Variants in GINS4 observed in about 807,000 individuals in gnomAD.
GINS4 encodes DNA replication complex GINS protein SLD5.
A neutral mutation model predicts 31.1 loss-of-function variants in GINS4; 20 were observed. That is an observed-to-expected ratio of 0.64 (90% CI 0.45 to 0.93). GINS4 has a LOEUF of 0.93. GINS4 is among the 40% of genes least tolerant of loss of function. GINS4 has a pLI of 0.00. For missense variants in GINS4, 245 were observed against 273.9 expected (o/e 0.89, Z 0.75); for synonymous variants, 85 against 97.9 (o/e 0.87, Z 0.78).
rs778923827 is a variant in GINS4, at chr8:41,539,749, G to A, written c.369G>A (p.Ser123=). Residue 123 remains serine, a synonymous_variant, in exon 5 of 8, where the codon TCG becomes TCA. Coordinates refer to ENST00000276533, the MANE Select transcript of GINS4 (RefSeq NM_032336.3). ...TRPEGEPSSL[S]PEELAFAREF... ...CTGAGGGGGAGCCTTCCAGCCTCTC[G>A]CCGGAAGAGTTGGCCTTTGCCAGAG... The A allele has an allele frequency of 3.9e-5, 63 of 1,614,030 alleles. No individual in the cohort carries two copies. Among genetic ancestry groups the A allele is most frequent in the Non-Finnish European group, 5.0e-5 (59 of 1,179,994 alleles).
chr8:41,531,262 G>T (rs1255470383), intron 2 of GINS4, among the ~76,000 whole-genome samples: 2 of 152,192 alleles, frequency 1.3e-5, no homozygotes, highest in Non-Finnish European at 2.9e-5. Context: ...GGCAACAAGA[G>T]TGAAACTCCG....
Position 41,544,619 on chromosome 8 carries a change from C to T in GINS4, c.*2532C>T, listed in dbSNP as rs1360475676. The T allele has an allele frequency of 6.6e-6, 1 of 152,162 alleles. No homozygotes were observed. Among genetic ancestry groups the T allele is most frequent in the Non-Finnish European group, 1.5e-5 (1 of 68,042 alleles). The allele number at this position is 152,162 out of a possible 1,614,324, so 9.4% of individuals were successfully genotyped here. A position where few individuals can be genotyped will look rare whatever the true frequency, so the allele number is the denominator to read the frequency against. ...GCTTGTTATATAAAGAAAGAGACAA[C>T]TTCACTGTATGATCATTTTGTCACT... On this transcript the variant is annotated 3_prime_UTR_variant, in exon 8 of 8. Transcript: ENST00000276533.
chr8:41,531,679 G>T (rs2150457095), intron 2 of GINS4, among the ~76,000 whole-genome samples: 1 of 152,272 alleles, frequency 6.6e-6, no homozygotes. Context: ...CACCCATGCA[G>T]AATTTTGCAT....
intron 1 of GINS4, 182 bp downstream of exon 1, chr8:41,529,578 C>CT (rs1439983026): frequency 1.3e-5 from 2 of 152,244 alleles, no homozygotes; most frequent in Non-Finnish European, 2.9e-5. Context: ...CCTTGTGGCT[C>CT]TGGGAAATTA....
intron 2 of GINS4, among the ~76,000 whole-genome samples, chr8:41,532,429 G>A (rs1334783384): frequency 1.3e-5 from 2 of 151,054 alleles, no homozygotes; most frequent in African/African-American, 4.8e-5. Context: ...AGTGGCTCAT[G>A]CCTGTAGTTC....
rs1382104724 is a variant in GINS4, at chr8:41,544,634, A to C, written c.*2547A>C. The C allele has an allele frequency of 6.6e-6, 1 of 152,162 alleles. No homozygotes were observed. The highest frequency in any genetic ancestry group is 2.4e-5 in the African/African-American group (1 of 41,448). The allele number at this position is 152,162 out of a possible 1,614,324, so 9.4% of individuals were successfully genotyped here. A position where few individuals can be genotyped will look rare whatever the true frequency, so the allele number is the denominator to read the frequency against. Reference sequence around the variant, plus strand: ...AAAGAGACAACTTCACTGTATGATCATTTTGTCACTTTTCAAAAGCATTTA... The same window carrying C: ...AAAGAGACAACTTCACTGTATGATCCTTTTGTCACTTTTCAAAAGCATTTA... On this transcript the variant is annotated 3_prime_UTR_variant, in exon 8 of 8. Transcript: ENST00000276533.
At chr8:41,531,604 A>G (rs944902133) in intron 2 of GINS4, among the ~76,000 whole-genome samples, 5 of 152,222 alleles carry the variant, frequency 3.3e-5, no homozygotes, top group African/African-American at 1.2e-4. Context: ...CTGTTTTTAT[A>G]TCACAGACCT....
At chr8:41,530,092 T>C (rs1295162675) in intron 1 of GINS4, 92 bp from the exon 2 acceptor site, 1 of 811,668 alleles carries the variant, frequency 1.2e-6, no homozygotes, top group Middle Eastern at 2.6e-4. Context: ...CCAGGAAACC[T>C]CAATAAACCT....
At chr8:41,534,735 G>A (rs1249624860) in intron 2 of GINS4, among the ~76,000 whole-genome samples, 15 of 151,554 alleles carry the variant, frequency 9.9e-5, no homozygotes, top group Non-Finnish European at 1.9e-4. Flanking sequence ...GGACACACAG[G>A]GTCTTTTTTT....
Position 41,542,764 on chromosome 8 carries a change from C to T in GINS4, c.*677C>T, listed in dbSNP as rs1255104473. 6.5e-6 allele frequency: 1 copy of T among 153,006 alleles called. No homozygotes were observed. The highest frequency in any genetic ancestry group is 1.5e-5 in the Non-Finnish European group (1 of 68,600). 9.5% of individuals were successfully genotyped at this position (153,006 alleles called of 1,614,324 possible). Reference sequence around the variant, plus strand: ...AATAATAAAGTAGTTTACTAGGCATCAGACATTCCTCAGCAGTGCTGTGGG... The same window carrying T: ...AATAATAAAGTAGTTTACTAGGCATTAGACATTCCTCAGCAGTGCTGTGGG... On this transcript the variant is annotated 3_prime_UTR_variant, in exon 8 of 8. Coordinates refer to ENST00000276533, the MANE Select transcript of GINS4 (RefSeq NM_032336.3).
At chr8:41,540,052 C>T in intron 6 of GINS4, 48 bp downstream of exon 6, 3 of 1,271,526 alleles carry the variant, frequency 2.4e-6, no homozygotes, top group Non-Finnish European at 3.5e-6. Context: ...CCTCAGGTGT[C>T]CCAGGGTAGG....
rs536758795 is a variant in GINS4, at chr8:41,544,717, T to C, written c.*2630T>C. 1.3e-5 allele frequency: 2 copies of C among 151,604 alleles called. No individual in the cohort carries two copies. Among genetic ancestry groups the C allele is most frequent in the African/African-American group, 2.4e-5 (1 of 41,190 alleles). 9.4% of individuals were successfully genotyped at this position (151,604 alleles called of 1,614,324 possible). On this transcript the variant is annotated 3_prime_UTR_variant, in exon 8 of 8. Transcript: ENST00000276533. ...AACCTGTTTGGTCATTTTATTGATA[T>C]TGCACATTTGTATATGAATAAATTT... is the stretch of plus-strand genomic sequence containing the variant.
rs1454474204 is a variant in GINS4 at position 41,537,535 on chromosome 8, G to A, written c.297+242G>A. 14 of 423,036 alleles carry A rather than the reference G, an allele frequency of 3.3e-5. No individual in the cohort carries two copies. The East Asian group carries it at 5.4e-4, about 16-fold the overall frequency. The allele number at this position is 423,036 out of a possible 1,614,324, so 26.2% of individuals were successfully genotyped here. A position where few individuals can be genotyped will look rare whatever the true frequency, so the allele number is the denominator to read the frequency against. On this transcript the variant is annotated intron_variant, in intron 4 of 7. Coordinates refer to ENST00000276533, the MANE Select transcript of GINS4 (RefSeq NM_032336.3). ...CATTTTTAGTCTGTTCACCTGCCGAGTGAGTGGTTCCCCCTTGCGTTACAG... is the reference window on the plus strand; with the variant it reads ...CATTTTTAGTCTGTTCACCTGCCGAATGAGTGGTTCCCCCTTGCGTTACAG...
intron 2 of GINS4, among the ~76,000 whole-genome samples, chr8:41,532,688 A>G (rs1414866113): frequency 6.6e-6 from 1 of 152,070 alleles, no homozygotes; most frequent in African/African-American, 2.4e-5. Context: ...TACAAAAATT[A>G]GCCAGGCTTG....
At chr8:41,533,873 C>T (rs1237034958) in intron 2 of GINS4, among the ~76,000 whole-genome samples, 1 of 152,152 alleles carries the variant, frequency 6.6e-6, no homozygotes, top group Non-Finnish European at 1.5e-5. Flanking sequence ...CATATTCTCC[C>T]TGTGTCCTTG....
rs1806880099 is a variant in GINS4 at position 41,543,506 on chromosome 8, A to G, written c.*1419A>G. 1 of 152,226 alleles carries G rather than the reference A, an allele frequency of 6.6e-6. No individual in the cohort carries two copies. The highest frequency in any genetic ancestry group is 1.5e-5 in the Non-Finnish European group (1 of 68,034). The allele number at this position is 152,226 out of a possible 1,614,324, so 9.4% of individuals were successfully genotyped here. On this transcript the variant is annotated 3_prime_UTR_variant, in exon 8 of 8. Transcript: ENST00000276533. ...AATGTGCATGCAGAGTCTCACAGTG[A>G]TGCCGGAAGGAAGGATGTATAGGCA...
chr8:41,535,612 C>T (rs1240001326), intron 2 of GINS4, among the ~76,000 whole-genome samples: 3 of 152,132 alleles, frequency 2.0e-5, no homozygotes, highest in Non-Finnish European at 4.4e-5. Context: ...TGAGCCTGGT[C>T]AGCATATAAT....
intron 2 of GINS4, among the ~76,000 whole-genome samples, chr8:41,531,194 C>T (rs936145938): frequency 1.3e-5 from 2 of 152,178 alleles, no homozygotes; most frequent in East Asian, 3.8e-4. Flanking sequence ...ATCACCTGAA[C>T]CTGGGAGGCA....
At chr8:41,533,931 A>C (rs1005901745) in intron 2 of GINS4, among the ~76,000 whole-genome samples, 1 of 152,066 alleles carries the variant, frequency 6.6e-6, no homozygotes, top group Non-Finnish European at 1.5e-5. Flanking sequence ...ACCCCTTATC[A>C]GGGCACCAGT....
Sources: allele counts gnomAD v4.1 joint callset (sites outside exome capture counted in the v4.1 genomes callset), GRCh38; gene constraint gnomAD v4.1.1; transcripts MANE v1.5; gene names NCBI Gene and HGNC (gene_info 2026-07-23, HGNC 2026-07-21).